Variants in LMTK3 observed in about 807,000 individuals in gnomAD.
The protein encoded by LMTK3 is lemur tail kinase 3, also known as serine/threonine-protein kinase LMTK3.
In LMTK3, 27 loss-of-function variants were observed where a neutral mutation model predicts 116.7. The ratio of observed to expected loss-of-function variants is 0.23; its 90% CI spans 0.17 to 0.32. The LOEUF is 0.32. Among genes scored for constraint, LMTK3 ranks in the 10% least tolerant of loss-of-function variants. The pLI, the probability that LMTK3 is intolerant of heterozygous loss-of-function variation, is 1.00. For synonymous variants in LMTK3, 965 were observed against 971.0 expected, an observed-to-expected ratio of 0.99 and a Z score of 0.11; for missense variants, 1,764 against 2,068.5, an observed-to-expected ratio of 0.85 and a Z score of 2.86.
chr19:48,510,009 G>A lies in LMTK3; in HGVS notation c.361+14C>T. On this transcript the variant is annotated intron_variant, in intron 3 of 14. Coordinates refer to ENST00000600059, the MANE Select transcript of LMTK3 (RefSeq NM_001388485.1). ...GGGACACCATGGGATGCTGGTCATG[G>A]CGTGGGGCAGTACCTGAGTGTGAAG... The A allele has an allele frequency of 6.2e-7, 1 of 1,613,298 alleles. No individual in the cohort carries two copies. Among genetic ancestry groups the A allele is most frequent in the Admixed American group, 1.7e-5 (1 of 59,988 alleles).
At chr19:48,488,360 C>T (rs1231548718) in intron 14 of LMTK3, among the ~76,000 whole-genome samples, 2 of 152,138 alleles carry the variant, frequency 1.3e-5, no homozygotes, top group Non-Finnish European at 2.9e-5. Context: ...TTCCCACAGC[C>T]CTGGCTCACT....
chr19:48,499,206 C>T lies in LMTK3; in HGVS notation c.1863G>A (p.Leu621=). 1 of 1,415,250 alleles carries T rather than the reference C, an allele frequency of 7.1e-7. No homozygotes were observed. The highest frequency in any genetic ancestry group is 1.5e-5 in the African/African-American group (1 of 67,884). The allele number at this position is 1,415,250 out of a possible 1,614,324, so 87.7% of individuals were successfully genotyped here. A position where few individuals can be genotyped will look rare whatever the true frequency, so the allele number is the denominator to read the frequency against. ...DPEGRGAGET[L]AGDPAEVLGE... is the part of the protein sequence containing the mutation. Reference sequence around the variant, plus strand: ...CCAAGACCTCGGCAGGGTCTCCCGCCAGGGTCTCCCCGGCGCCCCGGCCCT... The same window carrying T: ...CCAAGACCTCGGCAGGGTCTCCCGCTAGGGTCTCCCCGGCGCCCCGGCCCT... Residue 621 remains leucine (L), a synonymous_variant, in exon 11 of 15, where the codon CTG becomes CTA. Transcript: ENST00000600059.
intron 12 of LMTK3, among the ~76,000 whole-genome samples, chr19:48,492,059 G>A (rs989079733): frequency 1.3e-5 from 2 of 152,118 alleles, no homozygotes; most frequent in Admixed American, 6.6e-5. Context: ...AGTGGCCCAG[G>A]CCCCAGTTCT....
rs1972406596 is a variant in LMTK3 at position 48,499,052 on chromosome 19, T to C, written c.2017A>G (p.Ser673Gly). ...AGGCAGGAGCAGGCCCCCTCGCGGC[T>C]GCACAGGGGACAGGGTAGGGGACCC... ...RRGPLPCPLC[S>G]REGACSCLPL... The change falls in exon 11 of 15, where the codon AGC becomes GGC. Residue 673 changes from serine (S) to glycine (G), a missense_variant. Physicochemically the swap from Ser to Gly is moderately conservative, Grantham distance 56 (BLOSUM62 0). Coordinates refer to ENST00000600059, the MANE Select transcript of LMTK3 (RefSeq NM_001388485.1). The C allele has an allele frequency of 6.6e-7, 1 of 1,516,924 alleles. No homozygotes were observed. Among genetic ancestry groups the C allele is most frequent in the East Asian group, 2.6e-5 (1 of 38,884 alleles). 94.0% of individuals were successfully genotyped at this position (1,516,924 alleles called of 1,614,324 possible).
At position 48,498,667 on chromosome 19, in the gene LMTK3, A is replaced by G; in HGVS notation, c.2402T>C (p.Phe801Ser). 1 of 1,539,984 alleles carries G rather than the reference A, an allele frequency of 6.5e-7. No homozygotes were observed. Residue 801 changes from phenylalanine (F) to serine (S), a missense_variant, in exon 11 of 15, where the codon TTT (phenylalanine) becomes TCT (serine). By Grantham distance (155) the Phe-to-Ser change is radical. Transcript: ENST00000600059. ...GDSGYETETP[F>S]SPEGAFPGGG... ...ACCTGGGAAGGCTCCCTCTGGGGAA[A>G]AAGGGGTCTCGGTCTCGTAGCCGCT...
Position 48,501,423 on chromosome 19 carries a change from T to C in LMTK3, c.880-19A>G. The C allele has an allele frequency of 6.2e-7, 1 of 1,612,756 alleles. No homozygotes were observed. The highest frequency in any genetic ancestry group is 8.5e-7 in the Non-Finnish European group (1 of 1,179,450). ...AGTCCTCCTGAGGGAACCAGGGCGG[T>C]GTCAGGCGGGTCAGGGCACCCCACA... On this transcript the variant is annotated intron_variant, in intron 8 of 14. Transcript: ENST00000600059.
intron 3 of LMTK3, 68 bp from the exon 4 acceptor site, chr19:48,509,581 G>T (rs750154117): frequency 9.2e-5 from 119 of 1,291,126 alleles, no homozygotes; most frequent in Non-Finnish European, 1.2e-4. Flanking sequence ...ACACACCCCA[G>T]GTCAGTGGGG....
chr19:48,503,248 A>T (rs953728897), intron 5 of LMTK3, among the ~76,000 whole-genome samples: 1 of 152,162 alleles, frequency 6.6e-6, no homozygotes, highest in African/African-American at 2.4e-5. Context: ...GGGTTTCACC[A>T]TGTTGGCCAG....
In LMTK3 at chr19:48,497,258, A is replaced by G; in HGVS notation, c.3676+135T>C. 3.1e-6 allele frequency: 3 copies of G among 978,860 alleles called. No homozygotes were observed. In the African/African-American group the frequency reaches 5.1e-5, roughly 17 times the overall value. The allele number at this position is 978,860 out of a possible 1,614,324, so 60.6% of individuals were successfully genotyped here. ...AGAGAGGGGGCTGAGCCACGATGTG[A>G]GCCCAGGTGGTGCAGGCTTCAGGAC... On this transcript the variant is annotated intron_variant, in intron 11 of 14. Coordinates refer to ENST00000600059, the MANE Select transcript of LMTK3 (RefSeq NM_001388485.1). The surrounding 1 kb of genome is among the most constrained non-coding windows in gnomAD (Gnocchi z 5.7).
intron 5 of LMTK3, among the ~76,000 whole-genome samples, chr19:48,503,298 T>C (rs890779313): frequency 3.8e-4 from 58 of 152,114 alleles, no homozygotes; most frequent in African/African-American, 1.4e-3. Context: ...TCCACCCTCC[T>C]CAGGCTCCCA....
rs76269108 is a variant in LMTK3 at position 48,510,194 on chromosome 19, G to T, written c.211-21C>A. 3.8e-3 allele frequency: 6,138 copies of T among 1,604,400 alleles called. 189 individuals carry two copies. In the African/African-American group the frequency reaches 0.072, roughly 19 times the overall value. On this transcript the variant is annotated intron_variant, in intron 2 of 14. Coordinates refer to ENST00000600059, the MANE Select transcript of LMTK3 (RefSeq NM_001388485.1). ...AATTCCTGGGGCCAGGAGAGGAGAA[G>T]AGGGGTGGGAGAACGCAGGGCTGAG...
intron 5 of LMTK3, among the ~76,000 whole-genome samples, chr19:48,505,103 CTTTTTTT>C (rs33927563): frequency 3.6e-5 from 2 of 55,582 alleles, no homozygotes; most frequent in Non-Finnish European, 5.9e-5. Flanking sequence ...CTCTCTCTCT[CTTTTTTT>C]TTTTTTTTTT....
rs1375608501 is a variant in LMTK3, at chr19:48,494,102, G to A, written c.3684C>T (p.Leu1228=). ...GCGGCAGCGCCAGCGAGAGCCGGGA[G>A]AGCCTGGCTGCGAGGGGAGAGACCT... ...QGNSEQIKAR[L]SRLSLALPPL... Residue 1228 remains leucine (L), a synonymous_variant, in exon 12 of 15, where the codon CTC becomes CTT. Transcript: ENST00000600059. The surrounding 1 kb of genome is among the most constrained non-coding windows in gnomAD (Gnocchi z 4.0). 2 of 1,198,712 alleles carry A rather than the reference G, an allele frequency of 1.7e-6. No individual in the cohort carries two copies. Among genetic ancestry groups the A allele is most frequent in the Non-Finnish European group, 2.1e-6 (2 of 965,216 alleles). 74.3% of individuals were successfully genotyped at this position (1,198,712 alleles called of 1,614,324 possible).
rs964112666 is a variant in LMTK3, at chr19:48,499,807, G to A, written c.1262C>T (p.Pro421Leu). 2.3e-5 allele frequency: 36 copies of A among 1,549,970 alleles called. No individual in the cohort carries two copies. Among genetic ancestry groups the A allele is most frequent in the Non-Finnish European group, 3.0e-5 (34 of 1,147,758 alleles). ...LLSERPPRPP[P>L]PPPPPRDGPF... ...ACCGTCTCGGGGTGGGGGTGGCGGC[G>A]GTGGGGGCCGGGGAGGCCGCTCGGA... is the stretch of plus-strand genomic sequence containing the variant. The change falls in exon 11 of 15, where the codon CCG (proline) becomes CTG (leucine). Residue 421 changes from proline (P) to leucine (L), a missense_variant. By Grantham distance (98) the Pro-to-Leu change is moderately conservative. Coordinates refer to ENST00000600059, the MANE Select transcript of LMTK3 (RefSeq NM_001388485.1).
At chr19:48,511,024 C>T (rs1326587852) in intron 1 of LMTK3, among the ~76,000 whole-genome samples, 3 of 152,166 alleles carry the variant, frequency 2.0e-5, no homozygotes, top group South Asian at 2.1e-4. Context: ...CATGCTGGAA[C>T]CCCCCAGTTT....
rs746385121 is a variant in LMTK3 at position 48,497,380 on chromosome 19, G to A, written c.3676+13C>T. On this transcript the variant is annotated intron_variant, in intron 11 of 14. Transcript: ENST00000600059. This position sits in a 1 kb window ranked among gnomAD's most constrained non-coding sequence, Gnocchi z 5.7. ...CGGACCTCAGCCCTGACTGTGCCCC[G>A]CAGCCTCCTCACCTTTGATCTGCTC... 31 of 1,465,552 alleles carry A rather than the reference G, an allele frequency of 2.1e-5. No homozygotes were observed. The South Asian group carries it at 2.2e-4, about 10-fold the overall frequency. 90.8% of individuals were successfully genotyped at this position (1,465,552 alleles called of 1,614,324 possible).
chr19:48,507,754 G>A (rs562329933), intron 5 of LMTK3, among the ~76,000 whole-genome samples: 8 of 152,302 alleles, frequency 5.3e-5, no homozygotes, highest in Non-Finnish European at 7.3e-5. Flanking sequence ...GGGACTACAC[G>A]AGTATACCAC....
chr19:48,494,177 T>C lies in LMTK3; in HGVS notation c.3677-68A>G. ...TGAGGCAGGCCCTCCCACCTAGCTGTGTGGCCTCAGATAAGACCCCCGCAC... is the reference window on the plus strand; with the variant it reads ...TGAGGCAGGCCCTCCCACCTAGCTGCGTGGCCTCAGATAAGACCCCCGCAC... On this transcript the variant is annotated intron_variant, in intron 11 of 14. Coordinates refer to ENST00000600059, the MANE Select transcript of LMTK3 (RefSeq NM_001388485.1). This position sits in a 1 kb window ranked among gnomAD's most constrained non-coding sequence, Gnocchi z 4.0. The C allele has an allele frequency of 2.0e-6, 2 of 993,640 alleles. No individual in the cohort carries two copies. The highest frequency in any genetic ancestry group is 2.5e-6 in the Non-Finnish European group (2 of 803,308). 61.6% of individuals were successfully genotyped at this position (993,640 alleles called of 1,614,324 possible). A position where few individuals can be genotyped will look rare whatever the true frequency, so the allele number is the denominator to read the frequency against.
chr19:48,493,705 G>T lies in LMTK3; in HGVS notation c.4081C>A (p.Leu1361Ile). 6.4e-7 allele frequency: 1 copy of T among 1,573,722 alleles called. No individual in the cohort carries two copies. The highest frequency in any genetic ancestry group is 8.6e-7 in the Non-Finnish European group (1 of 1,161,172). ...VSFHGDVTVY[L>I]FDQETPTNEL... ...CTCGGGTTCCGCACCTGGTCGAAGA[G>T]GTAGACGGTCACGTCCCCGTGGAAG... Residue 1361 changes from leucine (L) to isoleucine (I), a missense_variant, in exon 12 of 15, where the codon CTC becomes ATC. Transcript: ENST00000600059.
Sources: gnomAD v4.1 joint callset for allele counts (sites outside exome capture counted in the v4.1 genomes callset) on GRCh38, gnomAD v4.1.1 for gene constraint, Gnocchi (gnomAD v3.1) non-coding constraint, MANE v1.5 for transcripts, NCBI Gene and HGNC (gene_info 2026-07-23, HGNC 2026-07-21) for gene names.